The following EFCAB7 variants were observed in gnomAD, a reference collection of about 807,000 sequenced individuals.
EFCAB7 encodes EF-hand calcium binding domain 7.
EFCAB7 carries 66 observed loss-of-function variants against 77.1 expected under a neutral mutation model. The observed-to-expected ratio is 0.86, with a 90% CI of 0.70 to 1.05. The LOEUF is 1.05. EFCAB7 is among the 50% of genes least tolerant of loss of function. The pLI is 0.00. For missense variants in EFCAB7, 638 were observed against 730.5 expected, an observed-to-expected ratio of 0.87 and a Z score of 1.46; for synonymous variants, 225 against 243.3, an observed-to-expected ratio of 0.92 and a Z score of 0.70.
At chr1:63,584,060 G>T in the EFCAB7 span, among the ~76,000 whole-genome samples, 1 of 151,978 alleles carries the variant, frequency 6.6e-6, no homozygotes, top group South Asian at 2.1e-4. Context: ...TTCTGAACCA[G>T]TGCCAAATGA....
rs1429488401 is a variant in EFCAB7, at chr1:63,534,094, G to A, written c.683-1G>A. 1.2e-6 allele frequency: 2 copies of A among 1,612,690 alleles called. No homozygotes were observed. Among genetic ancestry groups the A allele is most frequent in the Non-Finnish European group, 1.7e-6 (2 of 1,179,256 alleles). The stretch of plus-strand genomic sequence containing the variant: ...GACCAAATAATCATTACTTGTTGCA[G>A]GTGACACCAGGAGTTCTTTACTGTC... On this transcript the variant is annotated splice_acceptor_variant, in intron 5 of 13. Coordinates refer to ENST00000371088, the MANE Select transcript of EFCAB7 (RefSeq NM_032437.4). LOFTEE classifies it high-confidence loss of function.
chr1:63,546,103 C>T, intron 7 of EFCAB7, 46 bp downstream of exon 7: 1 of 1,583,496 alleles, frequency 6.3e-7, no homozygotes, highest in South Asian at 1.1e-5. Flanking sequence ...AATTTGTACC[C>T]TCCTTGAAAG....
At chr1:63,550,858 T>G (rs1021022796) in intron 7 of EFCAB7, among the ~76,000 whole-genome samples, 2 of 146,634 alleles carry the variant, frequency 1.4e-5, no homozygotes, top group African/African-American at 4.9e-5. Context: ...TTAAAGAAGA[T>G]TCCAAGATTT....
chr1:63,569,324 A>G (rs1251110143), intron 12 of EFCAB7: 2 of 152,228 alleles, frequency 1.3e-5, no homozygotes, highest in Non-Finnish European at 2.9e-5. Context: ...TCTGCGTTCA[A>G]GGAGTTTATG....
At chr1:63,532,110 C>A in intron 3 of EFCAB7, 79 bp downstream of exon 3, 2 of 1,028,970 alleles carry the variant, frequency 1.9e-6, no homozygotes, top group South Asian at 1.5e-5. Flanking sequence ...CCAAAGTCCA[C>A]ATTAAAAATA....
At chr1:63,525,856 C>T in intron 2 of EFCAB7, 97 bp downstream of exon 2, 1 of 832,644 alleles carries the variant, frequency 1.2e-6, no homozygotes, top group Non-Finnish European at 1.8e-6. Context: ...TGAATCATCC[C>T]AGTTTCTTAG....
chr1:63,554,014 G>T (rs998371288), intron 8 of EFCAB7, among the ~76,000 whole-genome samples: 1 of 151,948 alleles, frequency 6.6e-6, no homozygotes, highest in Non-Finnish European at 1.5e-5. Flanking sequence ...TTAGAGATAG[G>T]ATCTCGCTAT....
At chr1:63,528,821 T>C (rs2474469) in intron 2 of EFCAB7, among the ~76,000 whole-genome samples, 115,536 of 152,090 alleles carry the variant, frequency 0.76, 44,493 homozygotes, top group African/African-American at 0.87. Flanking sequence ...TGTGTAAATG[T>C]GTTCTGTATA....
chr1:63,545,364 T>C (rs1646884726), intron 6 of EFCAB7, among the ~76,000 whole-genome samples: 1 of 152,224 alleles, frequency 6.6e-6, no homozygotes, highest in Non-Finnish European at 1.5e-5. Context: ...ACAGTAAATA[T>C]TTGTTGAGCC....
At chr1:63,543,848 G>C (rs1457473838) in intron 6 of EFCAB7, among the ~76,000 whole-genome samples, 5 of 152,018 alleles carry the variant, frequency 3.3e-5, no homozygotes, top group Admixed American at 2.6e-4. Flanking sequence ...AAAGTGAAAA[G>C]CATTTTTGCA....
intron 2 of EFCAB7, chr1:63,529,097 G>C (rs773192658): frequency 1.3e-5 from 2 of 152,212 alleles, no homozygotes; most frequent in Non-Finnish European, 2.9e-5. Flanking sequence ...TTAAGGAATA[G>C]TTCATTTACA....
At chr1:63,524,835 G>C (rs1646555338) in intron 1 of EFCAB7, among the ~76,000 whole-genome samples, 1 of 152,162 alleles carries the variant, frequency 6.6e-6, no homozygotes, top group Non-Finnish European at 1.5e-5. Flanking sequence ...CGCTGTAATA[G>C]GGATAAGACA....
chr1:63,529,980 C>T (rs1646666924), intron 2 of EFCAB7: 1 of 152,020 alleles, frequency 6.6e-6, no homozygotes, highest in South Asian at 2.1e-4. Context: ...GGTGACCTGC[C>T]CACCTCGGCC....
At chr1:63,570,671 G>A (rs1647232214) in intron 12 of EFCAB7, 1 of 157,690 alleles carries the variant, frequency 6.3e-6, no homozygotes, top group South Asian at 2.0e-4. Context: ...GTATTAAAAT[G>A]AATGGAAGTT....
At chr1:63,580,519 A>G in the EFCAB7 span, among the ~76,000 whole-genome samples, 27,340 of 152,092 alleles carry the variant, frequency 0.18, 2,556 homozygotes, top group Middle Eastern at 0.26. Flanking sequence ...GATTTCCCCA[A>G]TGGTACTGTT....
chr1:63,558,230 G>T (rs897793344), intron 10 of EFCAB7, among the ~76,000 whole-genome samples: 2 of 152,026 alleles, frequency 1.3e-5, no homozygotes, highest in Non-Finnish European at 2.9e-5. Flanking sequence ...TCTTTTAATT[G>T]GCACTAGAGA....
chr1:63,531,218 T>C (rs941510142), intron 2 of EFCAB7, among the ~76,000 whole-genome samples: 1 of 152,006 alleles, frequency 6.6e-6, no homozygotes, highest in Non-Finnish European at 1.5e-5. Flanking sequence ...TAACCACTGA[T>C]CTATTCTCTA....
chr1:63,581,248 C>T, the EFCAB7 span, among the ~76,000 whole-genome samples: 1 of 151,800 alleles, frequency 6.6e-6, no homozygotes, highest in Non-Finnish European at 1.5e-5. Flanking sequence ...AGTTACTTCT[C>T]TTTAGTTTGC....
chr1:63,571,071 C>T lies in EFCAB7; in HGVS notation c.1758C>T (p.Cys586=), dbSNP rs771789819. Residue 586 remains cysteine, a synonymous_variant, in exon 13 of 14, where the codon TGC becomes TGT. Transcript: ENST00000371088. Reference sequence around the variant, plus strand: ...TCAGCAATGAGCTAAGTAAAAACTGCATAAACAACAGAGGACTCAACATAT... The same window carrying T: ...TCAGCAATGAGCTAAGTAAAAACTGTATAAACAACAGAGGACTCAACATAT... ...IHISNELSKN[C]INNRGLNIFA... The T allele has an allele frequency of 5.0e-5, 81 of 1,611,984 alleles. 2 individuals carry two copies. The East Asian group carries it at 1.7e-3, about 33-fold the overall frequency.
Sources: allele counts gnomAD v4.1 joint callset (sites outside exome capture counted in the v4.1 genomes callset), GRCh38; gene constraint gnomAD v4.1.1; transcripts MANE v1.5; gene names NCBI Gene and HGNC (gene_info 2026-07-23, HGNC 2026-07-21).